ZBTB20: variants seen among roughly 807,000 people sequenced by gnomAD.
ZBTB20 encodes the protein zinc finger and BTB domain containing 20, also known as zinc finger and BTB domain-containing protein 20.
ZBTB20 carries 9 observed loss-of-function variants against 56.9 expected under a neutral mutation model. That is an observed-to-expected ratio of 0.16 (90% confidence interval 0.10 to 0.28). The LOEUF is 0.28. ZBTB20 is among the 10% of genes least tolerant of loss of function. The probability of loss-of-function intolerance (pLI) is 1.00; values close to 1 mark genes in which losing one functional copy is unlikely to be tolerated. For synonymous variants in ZBTB20, 417 were observed against 420.7 expected, an observed-to-expected ratio of 0.99 and a Z score of 0.11; for missense variants, 655 against 1,003.0, an observed-to-expected ratio of 0.65 and a Z score of 4.69.
chr3:115,067,936 T>A (rs1175447713), intron 2 of ZBTB20, among the ~76,000 whole-genome samples: 4 of 152,034 alleles, frequency 2.6e-5, no homozygotes, highest in Non-Finnish European at 5.9e-5. Flanking sequence ...ATCCACAACT[T>A]AAAATGTAAA....
At chr3:114,739,480 C>A (rs1274873915) in intron 5 of ZBTB20, among the ~76,000 whole-genome samples, 1 of 152,182 alleles carries the variant, frequency 6.6e-6, no homozygotes, top group Non-Finnish European at 1.5e-5. Flanking sequence ...GCCAGCTCCT[C>A]CTCTGTGGCT....
intron 2 of ZBTB20, among the ~76,000 whole-genome samples, chr3:114,983,168 T>C (rs1029064361): frequency 6.6e-6 from 1 of 151,988 alleles, no homozygotes; most frequent in Non-Finnish European, 1.5e-5. Context: ...TAAATATACA[T>C]TGTTTCAGCA....
At chr3:115,098,623 T>C (rs2083465658) in intron 1 of ZBTB20, among the ~76,000 whole-genome samples, 1 of 152,046 alleles carries the variant, frequency 6.6e-6, no homozygotes, top group Non-Finnish European at 1.5e-5. Context: ...GATAAGCAAA[T>C]TGAAAGTCTC....
At chr3:114,863,331 C>T (rs990333657) in intron 4 of ZBTB20, among the ~76,000 whole-genome samples, 16 of 152,186 alleles carry the variant, frequency 1.1e-4, no homozygotes, top group Middle Eastern at 3.4e-3. Context: ...ATTGCCAGTT[C>T]TTAACTTGTT....
chr3:114,908,591 A>G (rs1373328431), intron 3 of ZBTB20, among the ~76,000 whole-genome samples: 1 of 151,968 alleles, frequency 6.6e-6, no homozygotes, highest in African/African-American at 2.4e-5. Context: ...AAAAGAGCTC[A>G]TATATCAAAA....
chr3:114,743,280 A>ATAG (rs2066759746), intron 5 of ZBTB20, among the ~76,000 whole-genome samples: 1 of 152,110 alleles, frequency 6.6e-6, no homozygotes, highest in African/African-American at 2.4e-5. Context: ...CACAAATGCA[A>ATAG]TAGGGTAGCC....
intron 2 of ZBTB20, among the ~76,000 whole-genome samples, chr3:115,026,758 T>G (rs899210011): frequency 2.7e-5 from 4 of 150,704 alleles, no homozygotes; most frequent in African/African-American, 9.7e-5. Context: ...CTCCCTCCTT[T>G]CATCACCTGT....
At chr3:114,527,330 C>G (rs1378503097) in intron 6 of ZBTB20, 1 of 152,134 alleles carries the variant, frequency 6.6e-6, no homozygotes, top group Non-Finnish European at 1.5e-5. Flanking sequence ...CATCAATAAG[C>G]CTTGGCAGTT....
chr3:114,852,338 A>G lies in ZBTB20; in HGVS notation c.-417+47966T>C, dbSNP rs530957195. On this transcript the variant is annotated intron_variant, in intron 4 of 11. Coordinates refer to ENST00000675478, the MANE Select transcript of ZBTB20 (RefSeq NM_001348800.3). ...GAGTGCAGTGGTACAATCTCGGCTC[A>G]CTGCAACCTCCACCTCCCAGCTTCA... 2.6e-5 allele frequency among the ~76,000 whole-genome samples: 4 copies of G among 152,092 alleles called. No homozygotes were observed. The East Asian group carries it at 5.8e-4, about 22-fold the overall frequency.
intron 4 of ZBTB20, among the ~76,000 whole-genome samples, chr3:114,859,578 T>TTG (rs1466916251): frequency 2.0e-5 from 3 of 150,650 alleles, no homozygotes; most frequent in African/African-American, 7.3e-5. Context: ...TGGCGTTTTT[T>TTG]TTTTTTTTTT....
intron 1 of ZBTB20, among the ~76,000 whole-genome samples, chr3:115,110,419 CT>C (rs1398530844): frequency 3.3e-5 from 5 of 152,090 alleles, no homozygotes; most frequent in Non-Finnish European, 7.4e-5. Context: ...ATAGCCATAA[CT>C]TTTTAAAAAA....
At chr3:115,118,703 A>ATTTTTTTTTTTTTTTTTTTTTTTTTT (rs35607205) in intron 1 of ZBTB20, among the ~76,000 whole-genome samples, 1 of 82,212 alleles carries the variant, frequency 1.2e-5, no homozygotes, top group African/African-American at 4.9e-5. Context: ...CCTGGTACAA[A>ATTTTTTTTTTTTTTTTTTTTTTTTTT]TTTTTTTTTT....
At chr3:114,623,160 C>G (rs2058438278) in intron 6 of ZBTB20, among the ~76,000 whole-genome samples, 1 of 152,068 alleles carries the variant, frequency 6.6e-6, no homozygotes, top group East Asian at 1.9e-4. Flanking sequence ...AGGCAGGGAC[C>G]TGATGGTAAA....
intron 3 of ZBTB20, among the ~76,000 whole-genome samples, chr3:114,940,909 T>A (rs1307132615): frequency 6.8e-6 from 1 of 146,408 alleles, no homozygotes; most frequent in Non-Finnish European, 1.5e-5. Flanking sequence ...TTTCCCGGTT[T>A]GTTAAATTCA....
At chr3:114,425,127 C>A (rs779026303) in intron 7 of ZBTB20, among the ~76,000 whole-genome samples, 1 of 134,512 alleles carries the variant, frequency 7.4e-6, no homozygotes, top group Non-Finnish European at 1.5e-5. Context: ...TTTGAAAAAC[C>A]ATTAATTCTT....
At chr3:114,964,203 T>G (rs1427725572) in intron 3 of ZBTB20, among the ~76,000 whole-genome samples, 1 of 152,042 alleles carries the variant, frequency 6.6e-6, no homozygotes, top group Admixed American at 6.5e-5. Context: ...TCACCTGAGG[T>G]CGGGAGTTCA....
intron 6 of ZBTB20, among the ~76,000 whole-genome samples, chr3:114,538,339 T>C (rs2048721220): frequency 6.6e-6 from 1 of 152,168 alleles, no homozygotes; most frequent in Admixed American, 6.6e-5. Context: ...TTTTCCACAA[T>C]TCTTCAACAT....
At chr3:114,636,213 G>C (rs955454513) in intron 6 of ZBTB20, among the ~76,000 whole-genome samples, 4 of 152,114 alleles carry the variant, frequency 2.6e-5, no homozygotes, top group Admixed American at 6.6e-5. Flanking sequence ...TAATAAAGAA[G>C]AGGTAAAGAC....
chr3:114,870,026 A>G (rs926942103), intron 4 of ZBTB20, among the ~76,000 whole-genome samples: 1 of 152,178 alleles, frequency 6.6e-6, no homozygotes, highest in Non-Finnish European at 1.5e-5. Context: ...CCACACATCA[A>G]TTAAAGCATG....
Sources: allele counts gnomAD v4.1 joint callset (sites outside exome capture counted in the v4.1 genomes callset), GRCh38; gene constraint gnomAD v4.1.1; transcripts MANE v1.5; gene names NCBI Gene and HGNC (gene_info 2026-07-23, HGNC 2026-07-21).